Variants in RXRA observed in about 807,000 individuals in gnomAD.
The protein encoded by RXRA is retinoid X receptor alpha.
A neutral mutation model predicts 44.5 loss-of-function variants in RXRA; 5 were observed. The observed-to-expected ratio is 0.11, with a 90% CI of 0.06 to 0.24. RXRA has a LOEUF of 0.24. Ranked by LOEUF, RXRA falls within the 10% of genes least tolerant of loss-of-function variation. RXRA has a pLI of 1.00. For synonymous variants in RXRA, 291 were observed against 271.4 expected, an observed-to-expected ratio of 1.07 and a Z score of -0.71; for missense variants, 412 against 646.5, an observed-to-expected ratio of 0.64 and a Z score of 3.93.
chr9:134,333,805 C>T (rs1835045137), intron 1 of RXRA, among the ~76,000 whole-genome samples: 1 of 152,148 alleles, frequency 6.6e-6, no homozygotes, highest in South Asian at 2.1e-4. Context: ...GGGTGGGCTC[C>T]CAACAGCTGC....
At chr9:134,398,066 G>A (rs994723936) in intron 1 of RXRA, among the ~76,000 whole-genome samples, 4 of 151,916 alleles carry the variant, frequency 2.6e-5, no homozygotes, top group Admixed American at 6.6e-5. Flanking sequence ...TGCAACCTCC[G>A]CCTCCCAGGT....
chr9:134,411,281 A>T (rs920319594), intron 4 of RXRA, among the ~76,000 whole-genome samples: 9 of 152,040 alleles, frequency 5.9e-5, no homozygotes, highest in Admixed American at 4.6e-4. Context: ...AAGCCTGGGG[A>T]CGACACCCCA....
intron 1 of RXRA, among the ~76,000 whole-genome samples, chr9:134,387,435 T>A (rs1192849788): frequency 6.6e-6 from 1 of 152,380 alleles, no homozygotes; most frequent in Non-Finnish European, 1.5e-5. Flanking sequence ...CAGATCGGTC[T>A]GGCCAGGGTG....
intron 1 of RXRA, among the ~76,000 whole-genome samples, chr9:134,376,048 A>C (rs1042912894): frequency 2.0e-5 from 3 of 150,272 alleles, no homozygotes; most frequent in African/African-American, 7.4e-5. Context: ...AAGCCTTGCT[A>C]TTTATTAATT....
rs539985516 is a variant in RXRA at position 134,355,172 on chromosome 9, C to T, written c.28+28513C>T. Among the ~76,000 whole-genome samples, 19 of 152,326 alleles carry T rather than the reference C, an allele frequency of 1.2e-4. No homozygotes were observed. In the East Asian group the frequency reaches 3.3e-3, roughly 26 times the overall value. On this transcript the variant is annotated intron_variant, in intron 1 of 9. Transcript: ENST00000481739. ...ATCTCTGCAGGCACATCTCTGCTGGCGTTTGTCCTCACCTGTGGGAAATGC... is the reference window on the plus strand; with the variant it reads ...ATCTCTGCAGGCACATCTCTGCTGGTGTTTGTCCTCACCTGTGGGAAATGC...
chr9:134,408,626 C>T (rs1242005871), intron 3 of RXRA, among the ~76,000 whole-genome samples: 6 of 152,208 alleles, frequency 3.9e-5, no homozygotes, highest in South Asian at 2.1e-4. Flanking sequence ...GCAAGGGGCC[C>T]GTGTTGTGCC....
intron 7 of RXRA, among the ~76,000 whole-genome samples, chr9:134,430,978 C>T (rs1200367992): frequency 6.6e-6 from 1 of 152,240 alleles, no homozygotes; most frequent in African/African-American, 2.4e-5. Flanking sequence ...TCGGGGGTCC[C>T]TCCCAGCTCC....
At chr9:134,386,128 A>G (rs774820033) in intron 1 of RXRA, among the ~76,000 whole-genome samples, 3 of 152,162 alleles carry the variant, frequency 2.0e-5, no homozygotes, top group African/African-American at 4.8e-5. Flanking sequence ...CAGCATGAGC[A>G]CCACTTGCTT....
At chr9:134,427,418 C>T (rs1042265104) in intron 6 of RXRA, among the ~76,000 whole-genome samples, 36 of 152,282 alleles carry the variant, frequency 2.4e-4, no homozygotes, top group African/African-American at 8.2e-4. Context: ...GAGTCTGTGA[C>T]GGTATTTCCA....
intron 1 of RXRA, among the ~76,000 whole-genome samples, chr9:134,356,699 G>C (rs1830287658): frequency 6.6e-6 from 1 of 152,242 alleles, no homozygotes. Flanking sequence ...ATCCTTGGCT[G>C]CCTGCAGGGG....
Position 134,401,463 on chromosome 9 carries a change from C to T in RXRA, c.29-169C>T, listed in dbSNP as rs143123296. 2.1e-3 allele frequency: 2,128 copies of T among 1,020,784 alleles called. 9 individuals carry two copies. Among genetic ancestry groups the T allele is most frequent in the Middle Eastern group, 8.0e-3 (28 of 3,484 alleles). 63.2% of individuals were successfully genotyped at this position (1,020,784 alleles called of 1,614,324 possible). A position where few individuals can be genotyped will look rare whatever the true frequency, so the allele number is the denominator to read the frequency against. Reference sequence around the variant, plus strand: ...AGGGGAGCTCTGGGCACACCTGGCCCGTAGTGAGTGTGAATTTGCGTCAGA... The same window carrying T: ...AGGGGAGCTCTGGGCACACCTGGCCTGTAGTGAGTGTGAATTTGCGTCAGA... On this transcript the variant is annotated intron_variant, in intron 1 of 9. Transcript: ENST00000481739.
intron 1 of RXRA, among the ~76,000 whole-genome samples, chr9:134,328,032 A>G (rs1478385132): frequency 6.6e-6 from 1 of 152,154 alleles, no homozygotes; most frequent in Non-Finnish European, 1.5e-5. Context: ...ATTTGGGATT[A>G]GCACCCCCAG....
At chr9:134,360,159 G>T (rs772592405) in intron 1 of RXRA, among the ~76,000 whole-genome samples, 1 of 152,188 alleles carries the variant, frequency 6.6e-6, no homozygotes, top group African/African-American at 2.4e-5. Context: ...CCTGCCTGGG[G>T]TGGGCCAGGA....
At chr9:134,409,913 C>G (rs1355237942) in intron 4 of RXRA, among the ~76,000 whole-genome samples, 1 of 152,190 alleles carries the variant, frequency 6.6e-6, no homozygotes, top group Non-Finnish European at 1.5e-5. Flanking sequence ...GCAGGACACC[C>G]TTCCTCTGTC....
intron 4 of RXRA, among the ~76,000 whole-genome samples, chr9:134,410,689 C>T (rs1429445486): frequency 6.6e-6 from 1 of 150,490 alleles, no homozygotes; most frequent in Non-Finnish European, 1.5e-5. Flanking sequence ...GGTGGAGGCC[C>T]GAGGCGTGGC....
At chr9:134,363,942 AAG>A (rs1336875307) in intron 1 of RXRA, among the ~76,000 whole-genome samples, 7 of 152,152 alleles carry the variant, frequency 4.6e-5, no homozygotes, top group Admixed American at 6.5e-5. Context: ...AAAAAAGAAG[AAG>A]AGAAAGGGTT....
chr9:134,426,828 A>C lies in RXRA; in HGVS notation c.911-2280A>C, dbSNP rs1831441912. On this transcript the variant is annotated intron_variant, in intron 6 of 9. Coordinates refer to ENST00000481739, the MANE Select transcript of RXRA (RefSeq NM_002957.6). This position sits in a 1 kb window ranked among gnomAD's most constrained non-coding sequence, Gnocchi z 4.6. Reference sequence around the variant, plus strand: ...TTTGGGGCCAGTTGTGCCCCAGCCCAGATCTTGTCCTCGGCCCCCTGGGTC... The same window carrying C: ...TTTGGGGCCAGTTGTGCCCCAGCCCCGATCTTGTCCTCGGCCCCCTGGGTC... 2 of 985,350 alleles carry C rather than the reference A, an allele frequency of 2.0e-6. No individual in the cohort carries two copies. Among genetic ancestry groups the C allele is most frequent in the Non-Finnish European group, 2.4e-6 (2 of 829,886 alleles). 61.0% of individuals were successfully genotyped at this position (985,350 alleles called of 1,614,324 possible).
chr9:134,329,000 C>A (rs1834958840), intron 1 of RXRA, among the ~76,000 whole-genome samples: 1 of 152,240 alleles, frequency 6.6e-6, no homozygotes, highest in Non-Finnish European at 1.5e-5. Flanking sequence ...GCCCTGCTGC[C>A]CGGGGCTGGC....
intron 6 of RXRA, chr9:134,424,733 G>T: frequency 2.0e-6 from 2 of 985,484 alleles, no homozygotes; most frequent in Non-Finnish European, 2.4e-6. Flanking sequence ...GAGGACCTGG[G>T]TTAACTCCAA....
Sources: gnomAD v4.1 joint callset for allele counts (sites outside exome capture counted in the v4.1 genomes callset) on GRCh38, gnomAD v4.1.1 for gene constraint, Gnocchi (gnomAD v3.1) non-coding constraint, MANE v1.5 for transcripts, NCBI Gene and HGNC (gene_info 2026-07-23, HGNC 2026-07-21) for gene names.